LSAMP: variants seen among roughly 807,000 people sequenced by gnomAD.
LSAMP encodes the protein limbic system associated membrane protein.
LSAMP carries 7 observed loss-of-function variants against 38.6 expected under a neutral mutation model. The observed-to-expected ratio is 0.18, with a 90% CI of 0.10 to 0.34. The LOEUF (loss-of-function observed/expected upper bound fraction) is 0.34, where lower values mean the gene tolerates loss of function less well. Among genes scored for constraint, LSAMP ranks in the 10% least tolerant of loss-of-function variants. The probability of loss-of-function intolerance (pLI) is 1.00; values close to 1 mark genes in which losing one functional copy is unlikely to be tolerated. For missense variants in LSAMP, 313 were observed against 420.0 expected, an observed-to-expected ratio of 0.75 and a Z score of 2.23; for synonymous variants, 154 against 166.8, an observed-to-expected ratio of 0.92 and a Z score of 0.59.
At chr3:116,350,624 C>A (rs540679105) in intron 1 of LSAMP, among the ~76,000 whole-genome samples, 1 of 130,474 alleles carries the variant, frequency 7.7e-6, no homozygotes, top group African/African-American at 3.9e-5. Flanking sequence ...TGTCAAGGAA[C>A]CTTTTTTTTT....
At chr3:116,360,105 A>T (rs1260763765) in intron 1 of LSAMP, 1 of 150,908 alleles carries the variant, frequency 6.6e-6, no homozygotes, top group African/African-American at 2.5e-5. Flanking sequence ...TACTGGGTTC[A>T]TCTCACTAGG....
At chr3:116,333,551 A>C (rs571409558) in intron 1 of LSAMP, among the ~76,000 whole-genome samples, 106 of 149,008 alleles carry the variant, frequency 7.1e-4, no homozygotes, top group Non-Finnish European at 1.4e-3. Flanking sequence ...AAAAAAAAAA[A>C]GATATCATAC....
chr3:116,366,142 CAG>C (rs1418300233), intron 1 of LSAMP, among the ~76,000 whole-genome samples: 10 of 149,516 alleles, frequency 6.7e-5, no homozygotes, highest in African/African-American at 2.5e-5. Flanking sequence ...GTCTAATATC[CAG>C]AGTCTATAAG....
chr3:116,051,771 T>C (rs1428783769), intron 2 of LSAMP, among the ~76,000 whole-genome samples: 2 of 151,900 alleles, frequency 1.3e-5, no homozygotes, highest in African/African-American at 4.8e-5. Context: ...GGGCCTCTCT[T>C]GTCATGGCTA....
chr3:115,921,470 GT>G (rs1435724763), intron 3 of LSAMP, among the ~76,000 whole-genome samples: 1 of 151,988 alleles, frequency 6.6e-6, no homozygotes, highest in Admixed American at 6.6e-5. Context: ...ACATACGCAT[GT>G]TATTGATGCC....
chr3:116,431,810 CTT>C (rs1433734639), intron 1 of LSAMP, among the ~76,000 whole-genome samples: 2 of 152,018 alleles, frequency 1.3e-5, no homozygotes, highest in Admixed American at 1.3e-4. Flanking sequence ...CACTAGATCT[CTT>C]TGTGACTTTG....
At chr3:116,352,302 T>C (rs1235655515) in intron 1 of LSAMP, among the ~76,000 whole-genome samples, 1 of 152,082 alleles carries the variant, frequency 6.6e-6, no homozygotes, top group African/African-American at 2.4e-5. Flanking sequence ...GTACATACTA[T>C]GAAAGAGTTG....
intron 1 of LSAMP, among the ~76,000 whole-genome samples, chr3:116,328,616 A>T (rs1321901740): frequency 6.6e-6 from 1 of 152,144 alleles, no homozygotes; most frequent in African/African-American, 2.4e-5. Flanking sequence ...ATAATAAATG[A>T]AAGTGGTTAG....
At chr3:116,323,099 T>C (rs2047726665) in intron 1 of LSAMP, among the ~76,000 whole-genome samples, 1 of 152,134 alleles carries the variant, frequency 6.6e-6, no homozygotes, top group South Asian at 2.1e-4. Context: ...AGGATATACT[T>C]TCTAATGAAT....
At chr3:115,867,466 C>T (rs370190720) in intron 3 of LSAMP, among the ~76,000 whole-genome samples, 1 of 151,980 alleles carries the variant, frequency 6.6e-6, no homozygotes, top group Non-Finnish European at 1.5e-5. Context: ...TGGCTTTACC[C>T]GAAGGCAAAC....
At position 116,097,242 on chromosome 3, in the gene LSAMP, G is replaced by A. The variant is rs1182084628; in HGVS notation, c.156-10686C>T. On this transcript the variant is annotated intron_variant, in intron 1 of 6. Coordinates refer to ENST00000490035, the MANE Select transcript of LSAMP (RefSeq NM_002338.5). The stretch of plus-strand genomic sequence containing the variant: ...GGAAAAAAAATATGGTCTTTTCCAT[G>A]TAGGGTTTATTCTTTATCTCATTCC... Among the ~76,000 whole-genome samples the A allele has an allele frequency of 4.6e-5, 7 of 152,286 alleles. No homozygotes were observed. The East Asian group carries it at 1.3e-3, about 29-fold the overall frequency.
At chr3:115,881,037 A>AACATAAATAAATAAATAAAT (rs1553744202) in intron 3 of LSAMP, among the ~76,000 whole-genome samples, 1 of 142,894 alleles carries the variant, frequency 7.0e-6, no homozygotes, top group Non-Finnish European at 1.5e-5. Flanking sequence ...CTCTGTCTCA[A>AACATAAATAAATAAATAAAT]AAATAAATAA....
At chr3:115,885,584 C>T (rs1232670561) in intron 3 of LSAMP, among the ~76,000 whole-genome samples, 1 of 130,288 alleles carries the variant, frequency 7.7e-6, no homozygotes, top group African/African-American at 2.9e-5. Flanking sequence ...TGGATTCATG[C>T]TGTCATCAGC....
rs1553718996 is a variant in LSAMP, at chr3:116,265,966, T to TTC, written c.155+178910_155+178911insGA. ...TTTAAAAAGTTGTGGGGTTTTTTTT[T>TTC]CCCCTTCAATAACTATTAGTGAGAA... On this transcript the variant is annotated intron_variant, in intron 1 of 6. Coordinates refer to ENST00000490035, the MANE Select transcript of LSAMP (RefSeq NM_002338.5). Among the ~76,000 whole-genome samples the TTC allele has an allele frequency of 8.6e-5, 13 of 151,990 alleles. No homozygotes were observed. In the East Asian group the frequency reaches 1.4e-3, roughly 16 times the overall value.
intron 3 of LSAMP, among the ~76,000 whole-genome samples, chr3:115,918,003 A>G (rs1278235037): frequency 1.3e-5 from 2 of 152,184 alleles, no homozygotes; most frequent in Non-Finnish European, 2.9e-5. Flanking sequence ...TTAAAGTTCC[A>G]TGAGAAGCAG....
At chr3:116,261,760 TTC>T (rs2046830226) in intron 1 of LSAMP, among the ~76,000 whole-genome samples, 1 of 152,024 alleles carries the variant, frequency 6.6e-6, no homozygotes, top group African/African-American at 2.4e-5. Context: ...TCTTAGATCA[TTC>T]TCTTTTTCAC....
chr3:116,318,907 T>C (rs146456806), intron 1 of LSAMP, among the ~76,000 whole-genome samples: 2 of 152,168 alleles, frequency 1.3e-5, no homozygotes, highest in African/African-American at 4.8e-5. Flanking sequence ...GCTGACACTC[T>C]TTCCACAAGA....
At chr3:116,417,410 G>A (rs1559860952) in intron 1 of LSAMP, among the ~76,000 whole-genome samples, 2 of 152,206 alleles carry the variant, frequency 1.3e-5, no homozygotes, top group Non-Finnish European at 2.9e-5. Flanking sequence ...ACCAGAGTGA[G>A]AGAAGAGATT....
chr3:116,303,464 T>TTTCTA (rs1311411482), intron 1 of LSAMP, among the ~76,000 whole-genome samples: 1 of 152,218 alleles, frequency 6.6e-6, no homozygotes, highest in Non-Finnish European at 1.5e-5. Flanking sequence ...AAATAATTTT[T>TTTCTA]TTCTATTCTT....
Sources: allele counts gnomAD v4.1 joint callset (sites outside exome capture counted in the v4.1 genomes callset), GRCh38; gene constraint gnomAD v4.1.1; transcripts MANE v1.5; gene names NCBI Gene and HGNC (gene_info 2026-07-23, HGNC 2026-07-21).